The following THSD4 variants were observed in gnomAD, a reference collection of about 807,000 sequenced individuals.
THSD4 encodes thrombospondin type-1 domain-containing protein 4.
Under a neutral mutation model 119.0 loss-of-function variants are expected in THSD4, and 69 were observed. The ratio of observed to expected loss-of-function variants is 0.58; its 90% CI spans 0.48 to 0.71. THSD4 has a LOEUF of 0.71. Among genes scored for constraint, THSD4 ranks in the 30% least tolerant of loss-of-function variants. The probability of loss-of-function intolerance (pLI) is 0.00; values close to 1 mark genes in which losing one functional copy is unlikely to be tolerated. For synonymous variants in THSD4, 524 were observed against 540.4 expected, an observed-to-expected ratio of 0.97 and a Z score of 0.42; for missense variants, 1,393 against 1,391.1, an observed-to-expected ratio of 1.00 and a Z score of -0.02.
chr15:71,728,477 C>A, intron 8 of THSD4, 72 bp from the exon 9 acceptor site: 4 of 1,552,700 alleles, frequency 2.6e-6, no homozygotes, highest in South Asian at 2.3e-5. Context: ...AAGCCAGAAA[C>A]TGGGGGAGTC....
intron 7 of THSD4, among the ~76,000 whole-genome samples, chr15:71,647,431 CATTTCAGCCAA>C (rs1262556102): frequency 4.6e-5 from 7 of 152,316 alleles, no homozygotes; most frequent in African/African-American, 1.7e-4. Context: ...CATGTTTAAA[CATTTCAGCCAA>C]ATTTCTTCCT....
chr15:71,114,755 C>CT (rs202090332), upstream of THSD4, among the ~76,000 whole-genome samples: 8 of 152,064 alleles, frequency 5.3e-5, no homozygotes, highest in South Asian at 8.3e-4. Flanking sequence ...TTGCAGCAGG[C>CT]TTTTTTTTCC....
intron 8 of THSD4, among the ~76,000 whole-genome samples, chr15:71,682,876 CT>C (rs56051623): frequency 4.1e-3 from 165 of 39,760 alleles, no homozygotes; most frequent in African/African-American, 4.8e-3. Context: ...TTCTTTCTTT[CT>C]TTCTTTCTTT....
At chr15:71,323,440 AGAAAC>A (rs2045299844) in intron 6 of THSD4, among the ~76,000 whole-genome samples, 1 of 152,264 alleles carries the variant, frequency 6.6e-6, no homozygotes, top group Admixed American at 6.5e-5. Flanking sequence ...CCAACTGAAA[AGAAAC>A]TGGGATTGTT....
chr15:71,111,795 C>G (rs2040307221), upstream of THSD4: 12 of 522,458 alleles, frequency 2.3e-5, no homozygotes, highest in Non-Finnish European at 4.0e-5. Flanking sequence ...ACACAATTCT[C>G]TGAAGCACAG....
chr15:71,298,286 A>G (rs563458264), intron 6 of THSD4, among the ~76,000 whole-genome samples: 35 of 152,284 alleles, frequency 2.3e-4, no homozygotes, highest in Non-Finnish European at 4.7e-4. Context: ...ATTCTATTTC[A>G]TTAATCTATA....
chr15:71,188,242 G>C (rs2043631804), intron 3 of THSD4, among the ~76,000 whole-genome samples: 1 of 152,178 alleles, frequency 6.6e-6, no homozygotes, highest in African/African-American at 2.4e-5. Flanking sequence ...TTAATTCTAG[G>C]ACTTGGCCTT....
chr15:71,613,588 G>C (rs931718960), intron 7 of THSD4, among the ~76,000 whole-genome samples: 2 of 152,108 alleles, frequency 1.3e-5, no homozygotes, highest in African/African-American at 4.8e-5. Context: ...CATTTTCACA[G>C]CTTTCTACAT....
At chr15:71,374,154 A>G (rs1324423420) in intron 6 of THSD4, among the ~76,000 whole-genome samples, 1 of 152,200 alleles carries the variant, frequency 6.6e-6, no homozygotes, top group African/African-American at 2.4e-5. Flanking sequence ...GCTCAGTACT[A>G]CAGTCCTTCT....
Position 71,369,741 on chromosome 15 carries a change from C to A in THSD4, c.1016-41946C>A, listed in dbSNP as rs182707824. Among the ~76,000 whole-genome samples, 488 of 152,166 alleles carry A rather than the reference C, an allele frequency of 3.2e-3. 2 individuals carry two copies. The highest frequency in any genetic ancestry group is 0.011 in the African/African-American group (472 of 41,528). On this transcript the variant is annotated intron_variant, in intron 6 of 17. Coordinates refer to ENST00000261862, the MANE Select transcript of THSD4 (RefSeq NM_024817.3). ...TCATCAAGGATATTGGTCTAAAATT[C>A]TCTTTTTGTTGTGTCTCTGTCAGGC...
At position 71,483,844 on chromosome 15, in the gene THSD4, G is replaced by A. The variant is rs371190562; in HGVS notation, c.1152+72021G>A. Among the ~76,000 whole-genome samples, 6 of 151,342 alleles carry A rather than the reference G, an allele frequency of 4.0e-5. No individual in the cohort carries two copies. The East Asian group carries it at 7.8e-4, about 20-fold the overall frequency. Reference sequence around the variant, plus strand: ...CTCCCACTTGTAAGTGAGAACATGCGGTGTTTGGTTTTCTGTTCCTGCATT... The same window carrying A: ...CTCCCACTTGTAAGTGAGAACATGCAGTGTTTGGTTTTCTGTTCCTGCATT... On this transcript the variant is annotated intron_variant, in intron 7 of 17. Coordinates refer to ENST00000261862, the MANE Select transcript of THSD4 (RefSeq NM_024817.3).
chr15:71,519,340 G>A (rs746859232), intron 7 of THSD4, among the ~76,000 whole-genome samples: 9 of 152,110 alleles, frequency 5.9e-5, no homozygotes, highest in African/African-American at 2.2e-4. Context: ...AGCAGAAACG[G>A]TATATGATCT....
chr15:71,339,576 C>G (rs1193663892), intron 6 of THSD4, among the ~76,000 whole-genome samples: 1 of 152,092 alleles, frequency 6.6e-6, no homozygotes, highest in Middle Eastern at 3.2e-3. Context: ...GATGGGTTGC[C>G]TGCATTAAAA....
At chr15:71,171,282 C>T (rs780316143) in intron 3 of THSD4, among the ~76,000 whole-genome samples, 2 of 151,926 alleles carry the variant, frequency 1.3e-5, no homozygotes, top group Non-Finnish European at 2.9e-5. Flanking sequence ...ATTTAAAAAG[C>T]CCTTAGAAAA....
At chr15:71,605,161 G>C (rs528146002) in intron 7 of THSD4, among the ~76,000 whole-genome samples, 30 of 152,306 alleles carry the variant, frequency 2.0e-4, no homozygotes, top group South Asian at 8.3e-4. Context: ...GGAACAGAAG[G>C]ATCAAGGAAG....
chr15:71,418,343 A>C (rs2046779270), intron 7 of THSD4, among the ~76,000 whole-genome samples: 1 of 108,652 alleles, frequency 9.2e-6, no homozygotes, highest in Non-Finnish European at 2.0e-5. Context: ...TCCAGATCTT[A>C]GAGGAAAGGC....
At chr15:71,485,368 C>A (rs2047799179) in intron 7 of THSD4, among the ~76,000 whole-genome samples, 2 of 152,194 alleles carry the variant, frequency 1.3e-5, no homozygotes, top group South Asian at 4.1e-4. Context: ...GAACTAGAAA[C>A]CCCCTAAAGA....
chr15:71,262,837 G>T (rs1482114925), intron 6 of THSD4, among the ~76,000 whole-genome samples: 1 of 152,124 alleles, frequency 6.6e-6, no homozygotes, highest in Non-Finnish European at 1.5e-5. Flanking sequence ...TGTAAGGGTG[G>T]GTGTATTTTG....
chr15:71,406,094 T>C (rs144235078), intron 6 of THSD4, among the ~76,000 whole-genome samples: 1,998 of 152,200 alleles, frequency 0.013, 37 homozygotes, highest in Non-Finnish European at 0.018. Flanking sequence ...CCTCAAAGTA[T>C]TTTCTAATTT....
Sources: allele counts gnomAD v4.1 joint callset (sites outside exome capture counted in the v4.1 genomes callset), GRCh38; gene constraint gnomAD v4.1.1; transcripts MANE v1.5; gene names NCBI Gene and HGNC (gene_info 2026-07-23, HGNC 2026-07-21).